SLAIN2: variants seen among roughly 807,000 people sequenced by gnomAD.
SLAIN2 encodes SLAIN family member 2.
A neutral mutation model predicts 56.6 loss-of-function variants in SLAIN2; 31 were observed. That is an observed-to-expected ratio of 0.55 (90% CI 0.41 to 0.74). The LOEUF (loss-of-function observed/expected upper bound fraction) is 0.74, where lower values mean the gene tolerates loss of function less well. SLAIN2 is among the 30% of genes least tolerant of loss of function. The pLI is 0.00. For missense variants in SLAIN2, 777 were observed against 754.2 expected, an observed-to-expected ratio of 1.03 and a Z score of -0.35; for synonymous variants, 317 against 284.9, an observed-to-expected ratio of 1.11 and a Z score of -1.13.
intron 1 of SLAIN2, among the ~76,000 whole-genome samples, chr4:48,363,949 C>G (rs868532301): frequency 9.4e-6 from 1 of 106,794 alleles, no homozygotes; most frequent in African/African-American, 3.1e-5. Flanking sequence ...CCCTCCCGGA[C>G]GGGGCGGCTG....
At chr4:48,359,631 G>A (rs1715262393) in intron 1 of SLAIN2, among the ~76,000 whole-genome samples, 1 of 152,072 alleles carries the variant, frequency 6.6e-6, no homozygotes, top group Admixed American at 6.5e-5. Flanking sequence ...GTGTAATTTT[G>A]GTAGAGAAAG....
intron 6 of SLAIN2, chr4:48,394,445 CAT>C (rs1216565382): frequency 1.1e-5 from 7 of 643,860 alleles, no homozygotes; most frequent in African/African-American, 1.8e-5. Flanking sequence ...AGGATTCTAA[CAT>C]ATTTGCACCT....
chr4:48,382,717 G>A lies in SLAIN2; in HGVS notation c.1012G>A (p.Ala338Thr). The A allele has an allele frequency of 6.2e-7, 1 of 1,613,660 alleles. No homozygotes were observed. ...CAATATGCATCATGCAGTATACCCTGCTGTTAACAGGTTTTCACCATCACC... is the reference window on the plus strand; with the variant it reads ...CAATATGCATCATGCAGTATACCCTACTGTTAACAGGTTTTCACCATCACC... ...DDNMHHAVYP[A>T]VNRFSPSPRN... is the part of the protein sequence containing the mutation. Residue 338 changes from alanine (A) to threonine (T), a missense_variant, in exon 5 of 8, where the codon GCT becomes ACT. Ala to Thr is a moderately conservative substitution (Grantham distance 58, BLOSUM62 0). Transcript: ENST00000264313.
intron 6 of SLAIN2, chr4:48,394,619 C>T (rs1465336922): frequency 6.5e-7 from 1 of 1,535,918 alleles, no homozygotes; most frequent in South Asian, 1.2e-5. Flanking sequence ...CCCTCAAAGC[C>T]AAACAGTTGC....
chr4:48,342,061 G>A lies in SLAIN2; in HGVS notation c.322G>A (p.Glu108Lys). 7.2e-7 allele frequency: 1 copy of A among 1,382,822 alleles called. No homozygotes were observed. Among genetic ancestry groups the A allele is most frequent in the Non-Finnish European group, 9.3e-7 (1 of 1,076,296 alleles). 85.7% of individuals were successfully genotyped at this position (1,382,822 alleles called of 1,614,324 possible). A position where few individuals can be genotyped will look rare whatever the true frequency, so the allele number is the denominator to read the frequency against. The change falls in exon 1 of 8, where the codon GAG becomes AAG. Residue 108 changes from glutamate (E) to lysine (K), a missense_variant. Physicochemically the swap from Glu to Lys is moderately conservative, Grantham distance 56. Coordinates refer to ENST00000264313, the MANE Select transcript of SLAIN2 (RefSeq NM_020846.2). ...LAAGEGGLLD[E>K]VEPLRPDELE... Reference sequence around the variant, plus strand: ...GGCGGGCGAGGGCGGCTTGCTGGACGAGGTGGAGCCGCTGCGGCCCGACGA... The same window carrying A: ...GGCGGGCGAGGGCGGCTTGCTGGACAAGGTGGAGCCGCTGCGGCCCGACGA...
chr4:48,388,784 CTG>C, intron 6 of SLAIN2, among the ~76,000 whole-genome samples: 1 of 152,308 alleles, frequency 6.6e-6, no homozygotes, highest in East Asian at 1.9e-4. Context: ...TTGAGATTAA[CTG>C]TAAGTATTTT....
chr4:48,387,761 C>A (rs946755195), intron 6 of SLAIN2, among the ~76,000 whole-genome samples: 5 of 151,754 alleles, frequency 3.3e-5, no homozygotes, highest in Admixed American at 1.3e-4. Flanking sequence ...AAAAGTGTTA[C>A]CAATTTATCT....
rs1439028478 is a variant in SLAIN2, at chr4:48,377,998, C to A, written c.641C>A (p.Ser214Tyr). The A allele has an allele frequency of 2.5e-6, 4 of 1,613,816 alleles. No individual in the cohort carries two copies. Among genetic ancestry groups the A allele is most frequent in the Admixed American group, 3.3e-5 (2 of 59,998 alleles). Residue 214 changes from serine (S) to tyrosine (Y), a missense_variant, in exon 3 of 8, where the codon TCT becomes TAT. Transcript: ENST00000264313. The part of the protein sequence containing the change: ...ASSPYSSGFN[S>Y]PSSTPVRPPI... ...AGCCCATACAGCAGTGGCTTCAATT[C>A]TCCATCCTCAACCCCAGTGCGACCT...
intron 1 of SLAIN2, among the ~76,000 whole-genome samples, chr4:48,347,504 C>G (rs942341189): frequency 6.6e-6 from 1 of 152,210 alleles, no homozygotes; most frequent in African/African-American, 2.4e-5. Flanking sequence ...CTGCTTCACC[C>G]TCCCAAAGTG....
In SLAIN2 at chr4:48,403,184, C is replaced by T. The variant is rs185814230; in HGVS notation, c.1361-16941C>T. 1.4e-4 allele frequency among the ~76,000 whole-genome samples: 22 copies of T among 152,268 alleles called. No homozygotes were observed. In the East Asian group the frequency reaches 1.7e-3, roughly 12 times the overall value. On this transcript the variant is annotated intron_variant, in intron 6 of 7. Coordinates refer to ENST00000264313, the MANE Select transcript of SLAIN2 (RefSeq NM_020846.2). ...CCCCTGTTGGGAGGTCTCAGGCAGT[C>T]GGGAGGAATGGGATCAGGGTCCCAC...
chr4:48,385,942 G>T (rs1346597838), intron 6 of SLAIN2, among the ~76,000 whole-genome samples: 40 of 139,924 alleles, frequency 2.9e-4, no homozygotes, highest in African/African-American at 8.3e-4. Context: ...CTAAAAAAAT[G>T]TTTTTTTTTT....
intron 6 of SLAIN2, among the ~76,000 whole-genome samples, 176 bp from the exon 7 acceptor site, chr4:48,419,949 A>T (rs1423683996): frequency 6.6e-6 from 1 of 152,150 alleles, no homozygotes; most frequent in Non-Finnish European, 1.5e-5. Flanking sequence ...GTCATTTAGA[A>T]CTCACAGTTA....
chr4:48,408,182 TAGAC>T (rs926972877), intron 6 of SLAIN2, among the ~76,000 whole-genome samples: 6 of 151,854 alleles, frequency 4.0e-5, no homozygotes, highest in Admixed American at 6.6e-5. Context: ...AAAAATAAAA[TAGAC>T]AGGCATGGTG....
chr4:48,362,467 G>A (rs1041428177), intron 1 of SLAIN2, among the ~76,000 whole-genome samples: 1 of 145,910 alleles, frequency 6.9e-6, no homozygotes, highest in Non-Finnish European at 1.5e-5. Flanking sequence ...CGCCCAGGGT[G>A]GAGTGCAGTG....
At chr4:48,367,851 A>G (rs1198282795) in intron 1 of SLAIN2, among the ~76,000 whole-genome samples, 1 of 152,124 alleles carries the variant, frequency 6.6e-6, no homozygotes, top group Non-Finnish European at 1.5e-5. Flanking sequence ...ATTTACAATG[A>G]TCAAACCATT....
At chr4:48,399,754 A>G (rs1395819711) in intron 6 of SLAIN2, among the ~76,000 whole-genome samples, 2 of 152,112 alleles carry the variant, frequency 1.3e-5, no homozygotes, top group Non-Finnish European at 2.9e-5. Flanking sequence ...GTGTCTATTG[A>G]GATAATCATG....
In SLAIN2 at chr4:48,346,219, T is replaced by C. The variant is rs560767109; in HGVS notation, c.389+4091T>C. ...AATTTTGCAAGGAATCAGTTTGGTC[T>C]GGACTTTCTAGACACTGCTTATTTT... On this transcript the variant is annotated intron_variant, in intron 1 of 7. Coordinates refer to ENST00000264313, the MANE Select transcript of SLAIN2 (RefSeq NM_020846.2). Among the ~76,000 whole-genome samples, 5 of 152,362 alleles carry C rather than the reference T, an allele frequency of 3.3e-5. No homozygotes were observed. In the South Asian group the frequency reaches 1.0e-3, roughly 32 times the overall value.
chr4:48,378,047 T>C lies in SLAIN2; in HGVS notation c.690T>C (p.Leu230=). The change falls in exon 3 of 8, where the codon CTT becomes CTC. Residue 230 remains leucine (L), a synonymous_variant. Coordinates refer to ENST00000264313, the MANE Select transcript of SLAIN2 (RefSeq NM_020846.2). ...CTCCTATAGTCAAACAGCTTATACT[T>C]CCTGGAAATTCAGGTAAGGAGAAAA... ...VRPPIVKQLI[L]PGNSGNLKSS... is the part of the protein sequence containing the mutation. The C allele has an allele frequency of 6.2e-7, 1 of 1,612,572 alleles. No homozygotes were observed. Among genetic ancestry groups the C allele is most frequent in the South Asian group, 1.1e-5 (1 of 90,932 alleles).
intron 6 of SLAIN2, among the ~76,000 whole-genome samples, chr4:48,398,940 C>T (rs1577731603): frequency 1.3e-5 from 2 of 152,056 alleles, no homozygotes; most frequent in South Asian, 2.1e-4. Flanking sequence ...ATGCTTCCAG[C>T]GTTGTTCTTT....
Sources: gnomAD v4.1 joint callset for allele counts (sites outside exome capture counted in the v4.1 genomes callset) on GRCh38, gnomAD v4.1.1 for gene constraint, MANE v1.5 for transcripts, NCBI Gene and HGNC (gene_info 2026-07-23, HGNC 2026-07-21) for gene names.